Variants in DMD observed in about 807,000 individuals in gnomAD.
DMD encodes mutant dystrophin.
DMD carries 63 observed loss-of-function variants against 330.1 expected under a neutral mutation model. The observed-to-expected ratio is 0.19, with a 90% CI of 0.16 to 0.24. DMD has a LOEUF of 0.24. Ranked by LOEUF, DMD falls within the 10% of genes least tolerant of loss-of-function variation. The pLI is 1.00. For missense variants in DMD, 3,344 were observed against 2,684.1 expected (o/e 1.25, Z -5.43); for synonymous variants, 1,223 against 959.8 (o/e 1.27, Z -5.07).
intron 63 of DMD, among the ~76,000 whole-genome samples, chrX:31,244,177 T>C (rs1176236763): frequency 8.9e-6 from 1 of 112,303 alleles, no homozygotes; most frequent in Non-Finnish European, 1.9e-5. Flanking sequence ...TAAAATTGCT[T>C]GCTAAGAAGG....
At chrX:33,037,943 G>A (rs2094232416) in intron 1 of DMD, among the ~76,000 whole-genome samples, 1 of 111,971 alleles carries the variant, frequency 8.9e-6, no homozygotes, top group Non-Finnish European at 1.9e-5. Flanking sequence ...ACATTCGAAA[G>A]ATGACATGTC....
At chrX:32,203,307 A>T (rs1365357703) in intron 44 of DMD, among the ~76,000 whole-genome samples, 1 of 112,648 alleles carries the variant, frequency 8.9e-6, no homozygotes, top group African/African-American at 3.2e-5. Flanking sequence ...AATATGATTG[A>T]TTCCTTATTC....
At chrX:32,400,577 A>G (rs760028808) in intron 30 of DMD, among the ~76,000 whole-genome samples, 50 of 111,101 alleles carry the variant, frequency 4.5e-4, no homozygotes, top group Non-Finnish European at 7.4e-4. Flanking sequence ...AACACATGAA[A>G]AAATGCTCAT....
intron 47 of DMD, among the ~76,000 whole-genome samples, chrX:31,918,201 A>G (rs1014527659): frequency 8.9e-6 from 1 of 112,553 alleles, no homozygotes; most frequent in Non-Finnish European, 1.9e-5. Flanking sequence ...GTAATAAAGT[A>G]TGATAGTATA....
At chrX:31,761,193 G>C (rs755957303) in intron 51 of DMD, among the ~76,000 whole-genome samples, 20 of 110,856 alleles carry the variant, frequency 1.8e-4, no homozygotes, top group African/African-American at 6.2e-4. Flanking sequence ...CCCCTAGTTA[G>C]TATCTTAATA....
intron 25 of DMD, among the ~76,000 whole-genome samples, chrX:32,459,031 C>G (rs1043097308): frequency 1.3e-4 from 14 of 110,596 alleles, no homozygotes; most frequent in Non-Finnish European, 2.7e-4. Context: ...CAAAATGATG[C>G]CCAAAGGATA....
intron 11 of DMD, among the ~76,000 whole-genome samples, chrX:32,636,867 G>A (rs778501628): frequency 1.5e-3 from 169 of 109,721 alleles, no homozygotes; most frequent in African/African-American, 5.3e-3. Flanking sequence ...GCGTGGTGGC[G>A]GGCACCTGTA....
At chrX:32,622,233 T>C (rs1414907591) in intron 11 of DMD, among the ~76,000 whole-genome samples, 2 of 111,811 alleles carry the variant, frequency 1.8e-5, no homozygotes, top group African/African-American at 6.5e-5. Context: ...GGATTTCATG[T>C]GTCTGAAGCA....
intron 60 of DMD, among the ~76,000 whole-genome samples, chrX:31,406,882 G>A (rs1476031018): frequency 1.8e-5 from 2 of 111,532 alleles, no homozygotes; most frequent in Admixed American, 1.9e-4. Context: ...GAGTCTCCTA[G>A]CTGCATTTAC....
chrX:32,363,108 G>T, intron 36 of DMD, 150 bp from the exon 37 acceptor site: 1 of 554,901 alleles, frequency 1.8e-6, no homozygotes, highest in Non-Finnish European at 2.9e-6. Context: ...GCAAGCACAT[G>T]CAGAAAATAC....
At chrX:33,279,971 T>TCAAGTTCTTGATATCTAGATAC (rs1281836191) in intron 1 of DMD, among the ~76,000 whole-genome samples, 1 of 108,055 alleles carries the variant, frequency 9.3e-6, no homozygotes, top group Non-Finnish European at 1.9e-5. Context: ...TATCTAGATA[T>TCAAGTTCTTGATATCTAGATAC]ATGGTTTGCC....
rs190637695 is a variant in DMD, at chrX:32,851,778, T to A, written c.94-1958A>T. Among the ~76,000 whole-genome samples the A allele has an allele frequency of 2.2e-3, 249 of 111,774 alleles. 2 individuals carry two copies. The highest frequency in any genetic ancestry group is 7.8e-3 in the African/African-American group (241 of 30,717). On this transcript the variant is annotated intron_variant, in intron 2 of 78. Transcript: ENST00000357033. ...GGGCGCAGGATTGTGAAACGTTGCATTGGAACCCAGTGCTGCCCTGTCACA... is the reference window on the plus strand; with the variant it reads ...GGGCGCAGGATTGTGAAACGTTGCAATGGAACCCAGTGCTGCCCTGTCACA...
chrX:32,825,222 G>A (rs908680807), intron 4 of DMD, among the ~76,000 whole-genome samples: 5 of 111,665 alleles, frequency 4.5e-5, no homozygotes, highest in Admixed American at 1.9e-4. Flanking sequence ...TGGTAGATAC[G>A]TTTTGGGTTG....
chrX:33,289,576 T>A (rs751550868), intron 1 of DMD, among the ~76,000 whole-genome samples: 7 of 112,023 alleles, frequency 6.2e-5, no homozygotes, highest in African/African-American at 2.3e-4. Context: ...CATTTTAACA[T>A]AATTCTAAGT....
chrX:32,817,662 T>A (rs1013723984), intron 5 of DMD, among the ~76,000 whole-genome samples: 3 of 112,166 alleles, frequency 2.7e-5, no homozygotes, highest in Non-Finnish European at 5.6e-5. Flanking sequence ...GTTCATATAC[T>A]ATCAACATTT....
intron 2 of DMD, among the ~76,000 whole-genome samples, chrX:32,864,370 G>A (rs1481985701): frequency 1.8e-5 from 2 of 112,280 alleles, no homozygotes; most frequent in Non-Finnish European, 3.8e-5. Context: ...TCTTTACTTT[G>A]CAACTGCTGT....
chrX:32,350,322 T>C (rs186069866), intron 37 of DMD, among the ~76,000 whole-genome samples: 40 of 111,227 alleles, frequency 3.6e-4, no homozygotes, highest in Middle Eastern at 4.6e-3. Context: ...TGAATTCCCA[T>C]CTAGACTCTC....
intron 50 of DMD, among the ~76,000 whole-genome samples, chrX:31,794,451 A>G (rs1053365579): frequency 8.9e-6 from 1 of 111,738 alleles, no homozygotes; most frequent in Non-Finnish European, 1.9e-5. Flanking sequence ...TAGTTTAGGC[A>G]CTTTTTCTAA....
intron 1 of DMD, among the ~76,000 whole-genome samples, chrX:33,170,599 A>G (rs1475602995): frequency 9.0e-6 from 1 of 111,582 alleles, no homozygotes; most frequent in African/African-American, 3.2e-5. Flanking sequence ...ACAGATCCCA[A>G]ATACTATCAT....
Sources: allele counts gnomAD v4.1 joint callset (sites outside exome capture counted in the v4.1 genomes callset), GRCh38; gene constraint gnomAD v4.1.1; transcripts MANE v1.5; gene names NCBI Gene and HGNC (gene_info 2026-07-23, HGNC 2026-07-21).